DSCAM: variants seen among roughly 807,000 people sequenced by gnomAD.
DSCAM encodes DS cell adhesion molecule.
A neutral mutation model predicts 217.7 loss-of-function variants in DSCAM; 47 were observed. The observed-to-expected ratio is 0.22, with a 90% CI of 0.17 to 0.28. The LOEUF (loss-of-function observed/expected upper bound fraction) is 0.28. Ranked by LOEUF, DSCAM falls within the 10% of genes least tolerant of loss-of-function variation. The pLI is 1.00. For synonymous variants in DSCAM, 1,056 were observed against 1,015.3 expected (o/e 1.04, Z -0.76); for missense variants, 2,080 against 2,618.3 (o/e 0.79, Z 4.49).
intron 16 of DSCAM, among the ~76,000 whole-genome samples, chr21:40,164,615 T>C (rs564715078): frequency 6.6e-6 from 1 of 151,980 alleles, no homozygotes. Flanking sequence ...CTGGCCAACA[T>C]GGTGAAAACC....
At chr21:40,741,373 C>A (rs986647615) in intron 1 of DSCAM, among the ~76,000 whole-genome samples, 1 of 152,146 alleles carries the variant, frequency 6.6e-6, no homozygotes, top group Non-Finnish European at 1.5e-5. Flanking sequence ...TGTGAATGCA[C>A]ATGCATGCAC....
chr21:40,240,837 C>T (rs2073143002), intron 11 of DSCAM, among the ~76,000 whole-genome samples: 1 of 152,200 alleles, frequency 6.6e-6, no homozygotes, highest in African/African-American at 2.4e-5. Flanking sequence ...ATCTAAGCTT[C>T]TTGGGTGCAG....
intron 20 of DSCAM, among the ~76,000 whole-genome samples, chr21:40,111,553 T>A (rs937587554): frequency 2.6e-5 from 4 of 152,254 alleles, no homozygotes; most frequent in South Asian, 2.1e-4. Context: ...AGGATCAAAT[T>A]CACACATAAC....
At chr21:40,283,484 AGGGACTGAGAGTATG>A (rs934595289) in intron 10 of DSCAM, among the ~76,000 whole-genome samples, 2 of 152,212 alleles carry the variant, frequency 1.3e-5, no homozygotes, top group Admixed American at 6.5e-5. Context: ...CTGTGTTCAC[AGGGACTGAGAGTATG>A]GGGACAGTGG....
intron 6 of DSCAM, 30 bp from the exon 7 acceptor site, chr21:40,339,445 G>A (rs1446921025): frequency 6.4e-7 from 1 of 1,554,870 alleles, no homozygotes. Flanking sequence ...GGAAGAAAGT[G>A]GCACATACAA....
intron 1 of DSCAM, among the ~76,000 whole-genome samples, chr21:40,807,833 C>A (rs377231733): frequency 6.6e-6 from 1 of 152,018 alleles, no homozygotes; most frequent in African/African-American, 2.4e-5. Context: ...TCTTATCTGT[C>A]CGAGGGGTAT....
intron 3 of DSCAM, among the ~76,000 whole-genome samples, chr21:40,533,728 CCCATCTATCCATCCATCCACCCAT>C (rs1289364422): frequency 7.6e-6 from 1 of 131,952 alleles, no homozygotes; most frequent in African/African-American, 2.8e-5. Context: ...CACCCACCCA[CCCATCTATCCATCCATCCACCCAT>C]CCATCCATCC....
intron 3 of DSCAM, among the ~76,000 whole-genome samples, chr21:40,473,278 C>T (rs929085357): frequency 2.4e-4 from 37 of 152,146 alleles, no homozygotes; most frequent in African/African-American, 8.9e-4. Flanking sequence ...CATTTTGGAC[C>T]TAGAGGTGGT....
chr21:40,299,045 G>A (rs1423139118), intron 9 of DSCAM, among the ~76,000 whole-genome samples: 2 of 152,160 alleles, frequency 1.3e-5, no homozygotes, highest in East Asian at 1.9e-4. Context: ...GATTTCCCAC[G>A]TACACCTCTT....
rs561862259 is a variant in DSCAM at position 40,566,002 on chromosome 21, C to G, written c.508+126808G>C. On this transcript the variant is annotated intron_variant, in intron 3 of 32. Coordinates refer to ENST00000400454, the MANE Select transcript of DSCAM (RefSeq NM_001389.5). ...AAACGGCACATAAAGATAACTAAAA[C>G]ATGACTTCTCAAACCAAAAGGGTTT... Among the ~76,000 whole-genome samples, 5 of 152,208 alleles carry G rather than the reference C, an allele frequency of 3.3e-5. No individual in the cohort carries two copies. In the South Asian group the frequency reaches 6.2e-4, roughly 19 times the overall value.
At chr21:40,593,485 C>T (rs907648591) in intron 3 of DSCAM, among the ~76,000 whole-genome samples, 2 of 152,070 alleles carry the variant, frequency 1.3e-5, no homozygotes, top group Admixed American at 6.6e-5. Context: ...TCCACCACAA[C>T]TGGTTAGTTT....
intron 3 of DSCAM, among the ~76,000 whole-genome samples, chr21:40,505,521 T>C (rs1219354515): frequency 6.6e-6 from 1 of 152,192 alleles, no homozygotes; most frequent in Non-Finnish European, 1.5e-5. Context: ...TTACAACAGC[T>C]GGTGGCTTGC....
chr21:40,730,583 CATCT>C (rs931491943), intron 1 of DSCAM, among the ~76,000 whole-genome samples: 2 of 152,154 alleles, frequency 1.3e-5, no homozygotes, highest in Non-Finnish European at 1.5e-5. Flanking sequence ...ACGCCCATAG[CATCT>C]ATCAAGGATG....
intron 3 of DSCAM, among the ~76,000 whole-genome samples, chr21:40,580,526 G>T (rs1275492654): frequency 6.6e-6 from 1 of 151,606 alleles, no homozygotes; most frequent in Admixed American, 6.6e-5. Context: ...GTGACAGAGG[G>T]AGACTCTGTC....
At chr21:40,064,968 G>A (rs58714932) in intron 27 of DSCAM, among the ~76,000 whole-genome samples, 8,991 of 152,168 alleles carry the variant, frequency 0.059, 573 homozygotes, top group African/African-American at 0.16. Flanking sequence ...GGAGGTGGGG[G>A]CCTGGGACTT....
intron 16 of DSCAM, among the ~76,000 whole-genome samples, chr21:40,165,453 A>G (rs1298313154): frequency 6.6e-6 from 1 of 152,182 alleles, no homozygotes; most frequent in African/African-American, 2.4e-5. Context: ...ACAGAGATAG[A>G]TTGCACTCCT....
chr21:40,218,306 T>C (rs1045831855), intron 11 of DSCAM, among the ~76,000 whole-genome samples: 15 of 152,308 alleles, frequency 9.8e-5, no homozygotes, highest in East Asian at 3.9e-4. Context: ...TGATTGTAGA[T>C]GTGTGACCTT....
At chr21:40,307,776 CTT>C (rs926089970) in intron 9 of DSCAM, among the ~76,000 whole-genome samples, 2 of 152,034 alleles carry the variant, frequency 1.3e-5, no homozygotes, top group African/African-American at 4.8e-5. Flanking sequence ...AGTTCATGTC[CTT>C]TGTAGGGACA....
chr21:40,739,793 T>C (rs1569012085), intron 1 of DSCAM, among the ~76,000 whole-genome samples: 2 of 151,844 alleles, frequency 1.3e-5, no homozygotes, highest in African/African-American at 2.4e-5. Flanking sequence ...TTTTTTTTTT[T>C]TTTCCCCCAG....
Sources: allele counts gnomAD v4.1 joint callset (sites outside exome capture counted in the v4.1 genomes callset), GRCh38; gene constraint gnomAD v4.1.1; transcripts MANE v1.5; gene names NCBI Gene and HGNC (gene_info 2026-07-23, HGNC 2026-07-21).